The following ADAMTSL1 variants were observed in gnomAD, a reference collection of about 807,000 sequenced individuals.
ADAMTSL1 encodes the protein ADAMTS-like protein 1.
A neutral mutation model predicts 201.8 loss-of-function variants in ADAMTSL1; 126 were observed. The ratio of observed to expected loss-of-function variants is 0.62; its 90% confidence interval spans 0.54 to 0.72. The LOEUF is 0.72. ADAMTSL1 is among the 30% of genes least tolerant of loss of function. ADAMTSL1 has a pLI of 0.00. For synonymous variants in ADAMTSL1, 1,121 were observed against 903.4 expected (o/e 1.24, Z -4.32); for missense variants, 2,679 against 2,277.8 (o/e 1.18, Z -3.59).
chr9:18,294,024 C>G (rs1403629385), intron 2 of ADAMTSL1, among the ~76,000 whole-genome samples: 4 of 152,158 alleles, frequency 2.6e-5, no homozygotes, highest in Non-Finnish European at 5.9e-5. Flanking sequence ...AACCATGAAT[C>G]TAAGTTGTCA....
chr9:18,307,978 A>G (rs1329387736), intron 2 of ADAMTSL1, among the ~76,000 whole-genome samples: 1 of 152,208 alleles, frequency 6.6e-6, no homozygotes, highest in Non-Finnish European at 1.5e-5. Context: ...AAAAGGACAG[A>G]AATCATAACA....
rs534433695 is a variant in ADAMTSL1 at position 18,005,901 on chromosome 9, T to C, written c.87+98979T>C. ...GATCACAGGACATTTTATATTATGG[T>C]GAGTTTTGCATAGGTCATGTCTTCT... On this transcript the variant is annotated intron_variant, in intron 1 of 29. Transcript: ENST00000680146. Among the ~76,000 whole-genome samples, 18 of 152,076 alleles carry C rather than the reference T, an allele frequency of 1.2e-4. No homozygotes were observed. In the East Asian group the frequency reaches 3.3e-3, roughly 28 times the overall value.
chr9:18,305,275 G>A (rs1410313623), intron 2 of ADAMTSL1, among the ~76,000 whole-genome samples: 1 of 152,198 alleles, frequency 6.6e-6, no homozygotes, highest in Non-Finnish European at 1.5e-5. Flanking sequence ...ACAAAACTGG[G>A]CGGCTGTTTG....
intron 14 of ADAMTSL1, 105 bp from the exon 15 acceptor site, chr9:18,721,431 C>A: frequency 6.7e-7 from 1 of 1,491,948 alleles, no homozygotes; most frequent in African/African-American, 1.4e-5. Context: ...AGCGAGAGTC[C>A]TACAGAACAC....
chr9:18,488,248 C>G (rs770296020), intron 1 of ADAMTSL1, among the ~76,000 whole-genome samples: 3 of 152,172 alleles, frequency 2.0e-5, no homozygotes, highest in Non-Finnish European at 4.4e-5. Context: ...GTTCTGTCAC[C>G]TATCAAGATC....
chr9:18,694,682 T>C (rs1831442434), intron 13 of ADAMTSL1, among the ~76,000 whole-genome samples: 1 of 152,126 alleles, frequency 6.6e-6, no homozygotes, highest in Non-Finnish European at 1.5e-5. Flanking sequence ...TGAAGTTGAG[T>C]GCCTGCAGCT....
At chr9:18,569,136 G>T (rs1822131501) in intron 3 of ADAMTSL1, among the ~76,000 whole-genome samples, 1 of 152,148 alleles carries the variant, frequency 6.6e-6, no homozygotes, top group African/African-American at 2.4e-5. Context: ...TTGTCTCACA[G>T]TGTAATCTGA....
At chr9:18,343,402 C>G (rs950543131) in intron 2 of ADAMTSL1, among the ~76,000 whole-genome samples, 6 of 152,060 alleles carry the variant, frequency 3.9e-5, no homozygotes, top group African/African-American at 7.2e-5. Flanking sequence ...GCTCCATGAT[C>G]TGGACCCCAC....
intron 12 of ADAMTSL1, among the ~76,000 whole-genome samples, chr9:18,684,193 T>TG (rs1830686487): frequency 1.3e-5 from 2 of 152,310 alleles, no homozygotes; most frequent in East Asian, 3.9e-4. Context: ...CAGTGAGCCT[T>TG]GGGGTAGTAC....
At chr9:18,810,317 C>T (rs1217008494) in intron 20 of ADAMTSL1, among the ~76,000 whole-genome samples, 3 of 152,088 alleles carry the variant, frequency 2.0e-5, no homozygotes, top group Admixed American at 1.3e-4. Context: ...AAGTTTCTGC[C>T]CTTGAACACA....
At chr9:18,104,923 A>G (rs1193001379) in intron 1 of ADAMTSL1, among the ~76,000 whole-genome samples, 1 of 152,184 alleles carries the variant, frequency 6.6e-6, no homozygotes, top group Non-Finnish European at 1.5e-5. Flanking sequence ...ACTGGAGCAA[A>G]GTAAAATAAA....
At chr9:18,322,477 A>G (rs906574251) in intron 2 of ADAMTSL1, among the ~76,000 whole-genome samples, 25 of 152,108 alleles carry the variant, frequency 1.6e-4, no homozygotes, top group African/African-American at 5.8e-4. Flanking sequence ...TACTAAAAGT[A>G]CAAAAATTAG....
chr9:18,752,511 T>C (rs571827789), intron 15 of ADAMTSL1, among the ~76,000 whole-genome samples: 43 of 152,340 alleles, frequency 2.8e-4, no homozygotes, highest in African/African-American at 1.0e-3. Context: ...CTGAGCTTTG[T>C]CCTTATCATT....
At chr9:17,974,731 A>G (rs1422545568) in intron 1 of ADAMTSL1, among the ~76,000 whole-genome samples, 4 of 152,072 alleles carry the variant, frequency 2.6e-5, no homozygotes, top group African/African-American at 9.7e-5. Flanking sequence ...GTTTCATGAT[A>G]TATATGTGTG....
At chr9:18,540,124 G>T (rs2132149078) in intron 3 of ADAMTSL1, among the ~76,000 whole-genome samples, 1 of 152,294 alleles carries the variant, frequency 6.6e-6, no homozygotes, top group Middle Eastern at 3.4e-3. Flanking sequence ...GGGAGAGTTA[G>T]TTTTCTGAAA....
chr9:18,326,432 TA>T (rs35508872), intron 2 of ADAMTSL1, among the ~76,000 whole-genome samples: 64 of 146,570 alleles, frequency 4.4e-4, no homozygotes, highest in Middle Eastern at 7.0e-3. Context: ...ATTTTTTACC[TA>T]AAAAAAAAAA....
intron 7 of ADAMTSL1, among the ~76,000 whole-genome samples, chr9:18,642,097 A>C (rs1041366390): frequency 6.6e-6 from 1 of 151,994 alleles, no homozygotes; most frequent in African/African-American, 2.4e-5. Flanking sequence ...TGATTCAGAA[A>C]GTGGAATAAA....
At chr9:18,586,583 GA>G (rs1731930462) in intron 4 of ADAMTSL1, among the ~76,000 whole-genome samples, 1 of 151,606 alleles carries the variant, frequency 6.6e-6, no homozygotes, top group African/African-American at 2.4e-5. Context: ...CACAGAACTA[GA>G]AAAAAAACTA....
At chr9:17,978,209 G>A (rs1258192173) in intron 1 of ADAMTSL1, among the ~76,000 whole-genome samples, 1 of 151,994 alleles carries the variant, frequency 6.6e-6, no homozygotes, top group African/African-American at 2.4e-5. Context: ...AAGTGAGTCT[G>A]TTTTGTAGGA....
Sources: gnomAD v4.1 joint callset for allele counts (sites outside exome capture counted in the v4.1 genomes callset) on GRCh38, gnomAD v4.1.1 for gene constraint, MANE v1.5 for transcripts, NCBI Gene and HGNC (gene_info 2026-07-23, HGNC 2026-07-21) for gene names.